The following FGGY variants were observed in gnomAD, a reference collection of about 807,000 sequenced individuals.
FGGY encodes FGGY carbohydrate kinase domain containing.
In FGGY, 72 loss-of-function variants were observed where a neutral mutation model predicts 71.3. The ratio of observed to expected loss-of-function variants is 1.01; its 90% CI spans 0.84 to 1.23. The LOEUF (loss-of-function observed/expected upper bound fraction) is 1.23, where lower values mean the gene tolerates loss of function less well. Among genes scored for constraint, FGGY ranks in the 50% most tolerant of loss-of-function variants. FGGY has a pLI of 0.00. For missense variants in FGGY, 668 were observed against 682.3 expected (o/e 0.98, Z 0.23); for synonymous variants, 251 against 250.3 (o/e 1.00, Z -0.02).
At chr1:59,644,518 A>G (rs1159252775) in intron 11 of FGGY, among the ~76,000 whole-genome samples, 4 of 152,136 alleles carry the variant, frequency 2.6e-5, no homozygotes, top group Non-Finnish European at 5.9e-5. Flanking sequence ...AGGGCTACAC[A>G]TACGATTATT....
chr1:59,432,928 G>C (rs2067683207), intron 5 of FGGY, among the ~76,000 whole-genome samples: 1 of 152,180 alleles, frequency 6.6e-6, no homozygotes, highest in South Asian at 2.1e-4. Flanking sequence ...CTCACCACTA[G>C]ACTGTGGGTA....
rs147800980 is a variant in FGGY at position 59,307,154 on chromosome 1, A to C, written c.-15+10004A>C. ...ACATGGCAAAACACCATCTCTATAA[A>C]AAATCTAAAATTATTGTGTCATGAT... On this transcript the variant is annotated intron_variant, in intron 1 of 15. Transcript: ENST00000303721. Among the ~76,000 whole-genome samples, 443 of 152,110 alleles carry C rather than the reference A, an allele frequency of 2.9e-3. 6 individuals carry two copies. The highest frequency in any genetic ancestry group is 0.01 in the African/African-American group (428 of 41,508).
chr1:59,378,907 C>T (rs2059012826), intron 5 of FGGY, 70 bp downstream of exon 5: 1 of 1,279,208 alleles, frequency 7.8e-7, no homozygotes. Flanking sequence ...ATATTGCTTT[C>T]TTAACTCTCT....
intron 14 of FGGY, among the ~76,000 whole-genome samples, chr1:59,757,528 A>G (rs979733308): frequency 6.6e-6 from 1 of 152,172 alleles, no homozygotes; most frequent in South Asian, 2.1e-4. Flanking sequence ...CGTGATTGCT[A>G]TCTTTAGGGA....
intron 1 of FGGY, among the ~76,000 whole-genome samples, chr1:59,299,982 A>G (rs937973204): frequency 6.6e-6 from 1 of 152,220 alleles, no homozygotes; most frequent in Non-Finnish European, 1.5e-5. Flanking sequence ...GTAGAAAAGA[A>G]TTGAACATAC....
chr1:59,691,573 T>G (rs560104712), intron 14 of FGGY, among the ~76,000 whole-genome samples: 1 of 152,262 alleles, frequency 6.6e-6, no homozygotes, highest in African/African-American at 2.4e-5. Flanking sequence ...CAGACTGTTC[T>G]GGGAGGAGTC....
At chr1:59,569,856 A>G (rs2095950326) in intron 8 of FGGY, among the ~76,000 whole-genome samples, 1 of 152,176 alleles carries the variant, frequency 6.6e-6, no homozygotes, top group African/African-American at 2.4e-5. Context: ...CCCACAGCTA[A>G]TAAATGATAG....
At chr1:59,653,509 C>G (rs559253740) in intron 11 of FGGY, among the ~76,000 whole-genome samples, 2 of 152,068 alleles carry the variant, frequency 1.3e-5, no homozygotes, top group South Asian at 2.1e-4. Flanking sequence ...GGGAGTGACC[C>G]GATTTTCCAG....
chr1:59,329,557 G>A lies in FGGY; in HGVS notation c.201+7807G>A, dbSNP rs190189803. Reference sequence around the variant, plus strand: ...TTCAGGGCCCTACATGGCCTGTCTCGACTTGCATTCCTGGCTCATCTCATG... The same window carrying A: ...TTCAGGGCCCTACATGGCCTGTCTCAACTTGCATTCCTGGCTCATCTCATG... On this transcript the variant is annotated intron_variant, in intron 2 of 15. Transcript: ENST00000303721. Among the ~76,000 whole-genome samples, 12 of 152,336 alleles carry A rather than the reference G, an allele frequency of 7.9e-5. No homozygotes were observed. In the East Asian group the frequency reaches 1.2e-3, roughly 15 times the overall value.
At chr1:59,595,454 A>G (rs149080539) in intron 8 of FGGY, among the ~76,000 whole-genome samples, 23,471 of 152,022 alleles carry the variant, frequency 0.15, 2,219 homozygotes, top group South Asian at 0.34. Context: ...ACTTTAGGAG[A>G]CCAAGGTGGG....
At chr1:59,335,445 T>G (rs970385282) in intron 2 of FGGY, among the ~76,000 whole-genome samples, 1 of 152,198 alleles carries the variant, frequency 6.6e-6, no homozygotes, top group Non-Finnish European at 1.5e-5. Context: ...TATTTAACAG[T>G]TGGTTAAACT....
At chr1:59,631,428 C>A (rs924019382) in intron 10 of FGGY, among the ~76,000 whole-genome samples, 2 of 152,102 alleles carry the variant, frequency 1.3e-5, no homozygotes, top group East Asian at 1.9e-4. Context: ...TATTGTCTTA[C>A]AAAGGAAAGT....
At chr1:59,518,234 A>C (rs780426974) in intron 7 of FGGY, among the ~76,000 whole-genome samples, 1 of 152,238 alleles carries the variant, frequency 6.6e-6, no homozygotes, top group Non-Finnish European at 1.5e-5. Context: ...ATGCCCTAGA[A>C]CAACACATAG....
intron 11 of FGGY, among the ~76,000 whole-genome samples, chr1:59,657,467 C>T (rs1030512298): frequency 1.7e-4 from 26 of 152,302 alleles, no homozygotes; most frequent in African/African-American, 5.8e-4. Flanking sequence ...ACAGAGAAAC[C>T]GTGTGTGAAT....
chr1:59,510,143 G>T (rs1323080912), intron 6 of FGGY, among the ~76,000 whole-genome samples: 1 of 151,076 alleles, frequency 6.6e-6, no homozygotes, highest in Non-Finnish European at 1.5e-5. Context: ...ACTCCAAAAG[G>T]TAATGTAATG....
At chr1:59,650,462 T>C (rs1288908097) in intron 11 of FGGY, among the ~76,000 whole-genome samples, 1 of 110,270 alleles carries the variant, frequency 9.1e-6, no homozygotes, top group Non-Finnish European at 1.7e-5. Context: ...TTCAACTTCT[T>C]CCTGGTTTAG....
At chr1:59,629,417 G>C (rs1026159405) in intron 10 of FGGY, among the ~76,000 whole-genome samples, 8 of 152,120 alleles carry the variant, frequency 5.3e-5, no homozygotes, top group African/African-American at 1.4e-4. Flanking sequence ...TTTAAGAAAA[G>C]CTTCATAGGC....
intron 1 of FGGY, chr1:59,318,588 A>G (rs1289525769): frequency 6.6e-6 from 1 of 152,244 alleles, no homozygotes; most frequent in African/African-American, 2.4e-5. Flanking sequence ...TACTCTCTTC[A>G]TCAGAGAGGG....
chr1:59,433,422 A>G (rs376603359), intron 5 of FGGY, among the ~76,000 whole-genome samples: 8 of 152,246 alleles, frequency 5.3e-5, no homozygotes, highest in African/African-American at 1.9e-4. Context: ...AAAGATGATG[A>G]TGTATTTTCC....
Sources: allele counts gnomAD v4.1 joint callset (sites outside exome capture counted in the v4.1 genomes callset), GRCh38; gene constraint gnomAD v4.1.1; transcripts MANE v1.5; gene names NCBI Gene and HGNC (gene_info 2026-07-23, HGNC 2026-07-21).